The following DSC1 variants were observed in gnomAD, a reference collection of about 807,000 sequenced individuals.
The protein encoded by DSC1 is desmocollin-1.
Under a neutral mutation model 98.8 loss-of-function variants are expected in DSC1, and 79 were observed. That is an observed-to-expected ratio of 0.80 (90% confidence interval 0.67 to 0.96). The LOEUF (loss-of-function observed/expected upper bound fraction) is 0.96, where lower values mean the gene tolerates loss of function less well. DSC1 is among the 50% of genes least tolerant of loss of function. The pLI, the probability that DSC1 is intolerant of heterozygous loss-of-function variation, is 0.00. For missense variants in DSC1, 1,115 were observed against 1,075.9 expected (o/e 1.04, Z -0.51); for synonymous variants, 405 against 372.1 (o/e 1.09, Z -1.02).
At position 31,134,763 on chromosome 18, in the gene DSC1, G is replaced by A; in HGVS notation, c.1685C>T (p.Thr562Ile). 6.2e-7 allele frequency: 1 copy of A among 1,611,644 alleles called. No individual in the cohort carries two copies. Among genetic ancestry groups the A allele is most frequent in the East Asian group, 2.2e-5 (1 of 44,812 alleles). Residue 562 changes from threonine to isoleucine, a missense_variant, in exon 12 of 16, where the codon ACA (threonine) becomes ATA (isoleucine). By Grantham distance (89) the Thr-to-Ile change is moderately conservative. Transcript: ENST00000257198. ...GTAATCATCCAAATGAACTACTAAT[G>A]TTCCAGTGCAAGATCGGCCAACTAA... ...VDAVGRSCTG[T>I]LVVHLDDYND...
At chr18:31,150,378 T>C (rs868778985) in intron 5 of DSC1, among the ~76,000 whole-genome samples, 1 of 7,534 alleles carries the variant, frequency 1.3e-4, no homozygotes, top group African/African-American at 5.5e-4. Context: ...ACCACCATCA[T>C]CACCACCATC....
intron 5 of DSC1, chr18:31,150,905 T>C (rs948535764): frequency 6.6e-6 from 1 of 152,206 alleles, no homozygotes; most frequent in Admixed American, 6.5e-5. Context: ...CTTCAATAAA[T>C]AGCTCTTTGC....
At chr18:31,136,764 G>A (rs1411923429) in intron 11 of DSC1, among the ~76,000 whole-genome samples, 1 of 152,142 alleles carries the variant, frequency 6.6e-6, no homozygotes, top group African/African-American at 2.4e-5. Flanking sequence ...TCAAAGCCAC[G>A]CTGGGCTGCA....
At chr18:31,162,026 A>G (rs1397997268) in intron 1 of DSC1, among the ~76,000 whole-genome samples, 1 of 152,202 alleles carries the variant, frequency 6.6e-6, no homozygotes, top group Admixed American at 6.5e-5. Flanking sequence ...ATTTTCAATG[A>G]CAGTCACATT....
At chr18:31,143,552 A>T in intron 8 of DSC1, 105 bp downstream of exon 8, 1 of 868,968 alleles carries the variant, frequency 1.2e-6, no homozygotes, top group Non-Finnish European at 1.6e-6. Context: ...GTAGTTATTT[A>T]AATCAAACTG....
chr18:31,153,076 T>A (rs1335821417), intron 5 of DSC1, among the ~76,000 whole-genome samples: 1 of 151,902 alleles, frequency 6.6e-6, no homozygotes, highest in Non-Finnish European at 1.5e-5. Context: ...TCATTTACAT[T>A]TTTTTAAATG....
In DSC1 at chr18:31,130,099, G is replaced by A. The variant is rs1026536740; in HGVS notation, c.*415C>T. On this transcript the variant is annotated 3_prime_UTR_variant, in exon 16 of 16. Transcript: ENST00000257198. ...TTATCTGGCACCAACTATGTTCTAA[G>A]AACATAATTCTCCCCAAGATTTTGA... 1 of 168,288 alleles carries A rather than the reference G, an allele frequency of 5.9e-6. No homozygotes were observed. Among genetic ancestry groups the A allele is most frequent in the Non-Finnish European group, 1.3e-5 (1 of 77,714 alleles). 10.4% of individuals were successfully genotyped at this position (168,288 alleles called of 1,614,324 possible).
chr18:31,144,889 G>C (rs1212093932), intron 7 of DSC1, among the ~76,000 whole-genome samples: 1 of 150,954 alleles, frequency 6.6e-6, no homozygotes, highest in Admixed American at 6.6e-5. Context: ...GGCTATGTGT[G>C]TTGGGAGGGA....
At chr18:31,157,235 C>T (rs2246736) in intron 3 of DSC1, 136 bp downstream of exon 3, 503,832 of 909,510 alleles carry the variant, frequency 0.55, 142,973 homozygotes, top group East Asian at 0.68. Flanking sequence ...TTTATTTACA[C>T]TAATTGTAAG....
intron 9 of DSC1, among the ~76,000 whole-genome samples, chr18:31,141,448 G>T (rs552179732): frequency 6.6e-6 from 1 of 152,270 alleles, no homozygotes; most frequent in South Asian, 2.1e-4. Flanking sequence ...ATTAGGTCCA[G>T]TTAAAGTAAT....
At chr18:31,135,087 T>C (rs753818726) in intron 11 of DSC1, among the ~76,000 whole-genome samples, 3 of 152,206 alleles carry the variant, frequency 2.0e-5, no homozygotes, top group African/African-American at 4.8e-5. Context: ...TCCTTCTTTA[T>C]GAAGCGCATA....
chr18:31,156,711 A>ATTT (rs1351859121), intron 3 of DSC1, among the ~76,000 whole-genome samples: 1 of 152,246 alleles, frequency 6.6e-6, no homozygotes, highest in Non-Finnish European at 1.5e-5. Context: ...AAATAGAATC[A>ATTT]TTTATTAAGA....
At chr18:31,157,335 T>C (rs1989117265) in intron 3 of DSC1, 36 bp downstream of exon 3, 7 of 1,599,268 alleles carry the variant, frequency 4.4e-6, no homozygotes, top group East Asian at 2.2e-5. Context: ...CGTAAGCATA[T>C]TACTGTGCTA....
At chr18:31,161,896 C>G (rs1598634507) in intron 1 of DSC1, among the ~76,000 whole-genome samples, 1 of 152,256 alleles carries the variant, frequency 6.6e-6, no homozygotes, top group South Asian at 2.1e-4. Context: ...ACTCACACCT[C>G]AGAAATGATG....
chr18:31,155,781 T>C (rs1222553572), intron 4 of DSC1, among the ~76,000 whole-genome samples: 1 of 152,154 alleles, frequency 6.6e-6, no homozygotes. Flanking sequence ...TAGCATAGTA[T>C]TTGGGTGAAT....
At position 31,130,633 on chromosome 18, in the gene DSC1, C is replaced by G. The variant is rs147309022; in HGVS notation, c.2566G>C (p.Gly856Arg). Residue 856 changes from glycine (G) to arginine (R), a missense_variant, in exon 16 of 16, where the codon GGT becomes CGT. By Grantham distance (125) the Gly-to-Arg change is moderately radical. Coordinates refer to ENST00000257198, the MANE Select transcript of DSC1 (RefSeq NM_024421.2). ...CAACCTACTGAGCCGGCCAGAGAAC[C>G]TTTGCCTTCATAGTTATACGAACAA... ...YVCSYNYEGK[G>R]SLAGSVGCCS... The G allele has an allele frequency of 1.2e-6, 2 of 1,614,168 alleles. No individual in the cohort carries two copies. The highest frequency in any genetic ancestry group is 4.5e-5 in the East Asian group (2 of 44,880).
chr18:31,152,619 T>A (rs1408674385), intron 5 of DSC1, among the ~76,000 whole-genome samples: 1 of 152,062 alleles, frequency 6.6e-6, no homozygotes, highest in African/African-American at 2.4e-5. Context: ...TTACGGCATT[T>A]AATGATCAGA....
At chr18:31,148,767 A>T in intron 5 of DSC1, 125 bp from the exon 6 acceptor site, 2 of 921,392 alleles carry the variant, frequency 2.2e-6, no homozygotes. Flanking sequence ...CGTAACTAAG[A>T]AATGATGCAA....
intron 5 of DSC1, 129 bp downstream of exon 5, chr18:31,154,645 A>C (rs1989059845): frequency 1.1e-6 from 1 of 876,066 alleles, no homozygotes; most frequent in Non-Finnish European, 1.6e-6. Context: ...TAAAGTTTAT[A>C]TTGCATATTA....
Sources: allele counts gnomAD v4.1 joint callset (sites outside exome capture counted in the v4.1 genomes callset), GRCh38; gene constraint gnomAD v4.1.1; transcripts MANE v1.5; gene names NCBI Gene and HGNC (gene_info 2026-07-23, HGNC 2026-07-21).